SCN1A: variants seen among roughly 807,000 people sequenced by gnomAD.
SCN1A encodes the protein sodium channel protein type 1 subunit alpha.
In SCN1A, 13 loss-of-function variants were observed where a neutral mutation model predicts 193.7. The ratio of observed to expected loss-of-function variants is 0.07; its 90% CI spans 0.04 to 0.11. The LOEUF is 0.11. Ranked by LOEUF, SCN1A falls within the 10% of genes least tolerant of loss-of-function variation. SCN1A has a pLI of 1.00. For synonymous variants in SCN1A, 781 were observed against 843.6 expected (o/e 0.93, Z 1.29); for missense variants, 1,432 against 2,451.1 (o/e 0.58, Z 8.78).
intron 7 of SCN1A, among the ~76,000 whole-genome samples, chr2:166,054,331 G>A (rs1698905182): frequency 6.7e-6 from 1 of 149,338 alleles, no homozygotes; most frequent in Non-Finnish European, 1.5e-5. Flanking sequence ...ATATGCTTGT[G>A]TTTTGACATT....
At chr2:166,056,385 T>C in intron 6 of SCN1A, 26 bp downstream of exon 6, 1 of 1,336,690 alleles carries the variant, frequency 7.5e-7, no homozygotes, top group Non-Finnish European at 1.1e-6. Flanking sequence ...TGTATATATG[T>C]TATTAAAAAT....
Position 166,029,403 on chromosome 2 carries a change from G to A in SCN1A, c.3429+6645C>T, listed in dbSNP as rs138535877. On this transcript the variant is annotated intron_variant, in intron 19 of 28. Coordinates refer to ENST00000674923, the MANE Select transcript of SCN1A (RefSeq NM_001165963.4). ...AATGCAGAGAGGTGGACAAAGATAG[G>A]TAGCTTTGGCAGTCCCTAGTGATCA... Among the ~76,000 whole-genome samples the A allele has an allele frequency of 1.6e-4, 24 of 152,148 alleles. No homozygotes were observed. The East Asian group carries it at 4.7e-3, about 30-fold the overall frequency.
rs1684660057 is a variant in SCN1A at position 166,073,364 on chromosome 2, A to G, written c.258T>C (p.Asn86=). ...CCTGATAAAAAACACTCACTTTCTT[A>G]TTGATATAGTAGGGGTCCAGGTCCT... ...PLEDLDPYYI[N]KKTFIVLNKG... The change falls in exon 4 of 29, where the codon AAT becomes AAC. Residue 86 remains asparagine (N), a synonymous_variant. Transcript: ENST00000674923. 1.2e-6 allele frequency: 2 copies of G among 1,613,790 alleles called. No homozygotes were observed. The highest frequency in any genetic ancestry group is 1.7e-6 in the Non-Finnish European group (2 of 1,180,006).
chr2:166,036,498 G>A lies in SCN1A; in HGVS notation c.2979C>T (p.Ser993=). 1 of 1,613,288 alleles carries A rather than the reference G, an allele frequency of 6.2e-7. No homozygotes were observed. The highest frequency in any genetic ancestry group is 8.5e-7 in the Non-Finnish European group (1 of 1,179,744). Residue 993 remains serine (S), a synonymous_variant, in exon 19 of 29, where the codon AGC becomes AGT. Transcript: ENST00000674923. The part of the protein sequence containing the change: ...VLNLFLALLL[S]SFSADNLAAT... ...CTGCAAGGTTGTCTGCACTAAATGA[G>A]CTCAGAAGCAAGGCCAGAAAGAGAT...
chr2:166,079,568 C>T (rs928437219), intron 2 of SCN1A, among the ~76,000 whole-genome samples: 1 of 150,076 alleles, frequency 6.7e-6, no homozygotes, highest in African/African-American at 2.4e-5. Flanking sequence ...CGACAATCAC[C>T]GTCTTTCAGA....
At chr2:166,070,354 A>C (rs1391508048) in intron 4 of SCN1A, among the ~76,000 whole-genome samples, 1 of 152,162 alleles carries the variant, frequency 6.6e-6, no homozygotes, top group Non-Finnish European at 1.5e-5. Flanking sequence ...CCATGAGTAT[A>C]CCTTACCTTG....
intron 20 of SCN1A, among the ~76,000 whole-genome samples, chr2:166,014,502 T>C (rs1015389577): frequency 6.6e-6 from 1 of 151,114 alleles, no homozygotes; most frequent in African/African-American, 2.4e-5. Flanking sequence ...TGAGTACCAT[T>C]GTAAGCACAA....
intron 2 of SCN1A, among the ~76,000 whole-genome samples, chr2:166,094,155 T>G (rs1305993656): frequency 1.3e-5 from 2 of 152,070 alleles, no homozygotes; most frequent in East Asian, 3.8e-4. Flanking sequence ...ATAAAACATC[T>G]GATAAGAAAA....
chr2:166,063,003 A>C (rs1683475202), intron 4 of SCN1A, among the ~76,000 whole-genome samples: 1 of 152,020 alleles, frequency 6.6e-6, no homozygotes. Flanking sequence ...ACCCCTTTTT[A>C]CCACCCAAGG....
chr2:166,095,234 T>C (rs1329950400), intron 2 of SCN1A, among the ~76,000 whole-genome samples: 1 of 152,206 alleles, frequency 6.6e-6, no homozygotes, highest in Non-Finnish European at 1.5e-5. Context: ...AAATTTTCAA[T>C]ATTTTAACCC....
chr2:166,089,515 T>A (rs1422144072), intron 2 of SCN1A, among the ~76,000 whole-genome samples: 1 of 151,922 alleles, frequency 6.6e-6, no homozygotes, highest in African/African-American at 2.4e-5. Flanking sequence ...CATTTCTCAC[T>A]GTCAAAGTGG....
intron 19 of SCN1A, among the ~76,000 whole-genome samples, chr2:166,033,151 ATACTC>A (rs1695855508): frequency 6.6e-6 from 1 of 152,132 alleles, no homozygotes; most frequent in Admixed American, 6.5e-5. Flanking sequence ...ATTTATTACT[ATACTC>A]TATGCCTTAT....
At chr2:166,029,478 C>T (rs1006449920) in intron 19 of SCN1A, among the ~76,000 whole-genome samples, 2 of 152,004 alleles carry the variant, frequency 1.3e-5, no homozygotes, top group African/African-American at 4.8e-5. Context: ...TAGTACTCTT[C>T]GCAGAGAGTA....
At chr2:166,117,035 T>G (rs1689947487) in intron 2 of SCN1A, among the ~76,000 whole-genome samples, 1 of 152,172 alleles carries the variant, frequency 6.6e-6, no homozygotes, top group South Asian at 2.1e-4. Flanking sequence ...AGATGCATCT[T>G]TTTCAAAATA....
chr2:166,119,052 T>A (rs1690238222), intron 2 of SCN1A, among the ~76,000 whole-genome samples: 1 of 152,142 alleles, frequency 6.6e-6, no homozygotes, highest in South Asian at 2.1e-4. Flanking sequence ...TGTGCTCCTA[T>A]GAGAATCTAA....
chr2:165,993,388 C>T (rs1015228590), intron 28 of SCN1A: 5 of 151,974 alleles, frequency 3.3e-5, no homozygotes, highest in African/African-American at 9.7e-5. Context: ...ACAGGTGCCT[C>T]GTTTTGGATA....
At position 166,073,648 on chromosome 2, in the gene SCN1A, C is replaced by T. The variant is rs1218151321; in HGVS notation, c.-27G>A. The T allele has an allele frequency of 4.3e-6, 7 of 1,612,884 alleles. No individual in the cohort carries two copies. The East Asian group carries it at 6.7e-5, about 15-fold the overall frequency. On this transcript the variant is annotated 5_prime_UTR_variant, in exon 4 of 29. It removes an upstream start codon present in the reference 5' UTR. Coordinates refer to ENST00000674923, the MANE Select transcript of SCN1A (RefSeq NM_001165963.4). ...TTGTCATCCTGCACATTTTAATTAC[C>T]ATTTATTCTGCATATGAAATTCCTA... is the stretch of plus-strand genomic sequence containing the variant.
rs1689056768 is a variant in SCN1A, at chr2:165,991,026, T to A, written c.*219A>T. On this transcript the variant is annotated 3_prime_UTR_variant, in exon 29 of 29. Transcript: ENST00000674923. ...TATCTTCAGCAGTGTCAGCTGGTAG[T>A]GAGAACAGTAACCTCCTGTCAAGGT... is the stretch of plus-strand genomic sequence containing the variant. 1 of 545,116 alleles carries A rather than the reference T, an allele frequency of 1.8e-6. No individual in the cohort carries two copies. The highest frequency in any genetic ancestry group is 1.9e-5 in the African/African-American group (1 of 52,734). 33.8% of individuals were successfully genotyped at this position (545,116 alleles called of 1,614,324 possible). A position where few individuals can be genotyped will look rare whatever the true frequency, so the allele number is the denominator to read the frequency against.
intron 4 of SCN1A, among the ~76,000 whole-genome samples, chr2:166,068,156 G>T (rs1482386384): frequency 6.6e-6 from 1 of 152,140 alleles, no homozygotes; most frequent in Non-Finnish European, 1.5e-5. Flanking sequence ...ATTGTTTGAG[G>T]TACTGGGTAT....
Sources: gnomAD v4.1 joint callset for allele counts (sites outside exome capture counted in the v4.1 genomes callset) on GRCh38, gnomAD v4.1.1 for gene constraint, MANE v1.5 for transcripts, NCBI Gene and HGNC (gene_info 2026-07-23, HGNC 2026-07-21) for gene names.